The following WNK3 variants were observed in gnomAD, a reference collection of about 807,000 sequenced individuals.
WNK3 encodes serine/threonine-protein kinase WNK3.
A neutral mutation model predicts 116.7 loss-of-function variants in WNK3; 18 were observed. That is an observed-to-expected ratio of 0.15 (90% CI 0.11 to 0.23). WNK3 has a LOEUF of 0.23. Among genes scored for constraint, WNK3 ranks in the 10% least tolerant of loss-of-function variants. The pLI is 1.00. For missense variants in WNK3, 993 were observed against 1,323.8 expected (o/e 0.75, Z 3.88); for synonymous variants, 404 against 469.4 (o/e 0.86, Z 1.80).
chrX:54,341,324 G>C (rs1284121197), intron 1 of WNK3, among the ~76,000 whole-genome samples: 2 of 110,506 alleles, frequency 1.8e-5, no homozygotes, highest in Admixed American at 9.7e-5. Context: ...TTGAACCCAG[G>C]GGGCAGAGGT....
intron 21 of WNK3, among the ~76,000 whole-genome samples, chrX:54,230,936 C>T (rs1228282214): frequency 6.2e-5 from 7 of 112,369 alleles, no homozygotes; most frequent in Non-Finnish European, 1.3e-4. Flanking sequence ...TAGAACAGCC[C>T]AACTATAGGC....
exon 24 of WNK3, chrX:54,192,863 C>T (rs2067411869): frequency 9.0e-6 from 1 of 111,648 alleles, no homozygotes; most frequent in Non-Finnish European, 1.9e-5. Flanking sequence ...ATAACATACT[C>T]ATTTAACACA....
At chrX:54,278,585 G>A (rs1480874674) in intron 10 of WNK3, among the ~76,000 whole-genome samples, 3 of 110,474 alleles carry the variant, frequency 2.7e-5, no homozygotes, top group East Asian at 5.6e-4. Context: ...AAAGACCCAC[G>A]CAAATAAGCC....
intron 10 of WNK3, among the ~76,000 whole-genome samples, chrX:54,270,109 T>C (rs1377908251): frequency 1.8e-5 from 2 of 111,333 alleles, no homozygotes; most frequent in Non-Finnish European, 3.8e-5. Context: ...AAAGCTCCTT[T>C]TTTGTGTCTG....
exon 23 of WNK3, chrX:54,202,039 T>A (rs1557141752): frequency 8.3e-7 from 1 of 1,211,433 alleles, no homozygotes; most frequent in Non-Finnish European, 1.1e-6. Context: ...GTTGACTTTG[T>A]TTAAGTTGGT....
At chrX:54,238,089 C>T (rs189658133) in intron 19 of WNK3, among the ~76,000 whole-genome samples, 4 of 110,138 alleles carry the variant, frequency 3.6e-5, no homozygotes, top group Non-Finnish European at 5.7e-5. Flanking sequence ...AAAAATTAGC[C>T]GGGTGTGGTG....
intron 10 of WNK3, among the ~76,000 whole-genome samples, chrX:54,281,303 G>C (rs1410393473): frequency 1.8e-5 from 2 of 110,314 alleles, no homozygotes; most frequent in Non-Finnish European, 3.8e-5. Flanking sequence ...TGGACAACAT[G>C]GTGAAATCCC....
intron 21 of WNK3, among the ~76,000 whole-genome samples, chrX:54,229,786 C>T (rs1557148563): frequency 9.0e-6 from 1 of 111,047 alleles, no homozygotes; most frequent in South Asian, 3.8e-4. Flanking sequence ...AGGACGGTCT[C>T]TTCCACAAAT....
intron 2 of WNK3, among the ~76,000 whole-genome samples, chrX:54,329,887 T>C (rs1266600062): frequency 9.0e-6 from 1 of 111,580 alleles, no homozygotes; most frequent in East Asian, 2.8e-4. Flanking sequence ...TACATAACTT[T>C]CAATATTATA....
At chrX:54,225,086 TA>T (rs1242065019) in intron 22 of WNK3, among the ~76,000 whole-genome samples, 42 of 94,075 alleles carry the variant, frequency 4.5e-4, no homozygotes, top group Middle Eastern at 5.6e-3. Context: ...CTAAAACAAA[TA>T]AAAAAAAAAA....
At position 54,320,062 on chromosome X, in the gene WNK3, C is replaced by A. The variant is rs782456176; in HGVS notation, c.538-8771G>T. Among the ~76,000 whole-genome samples the A allele has an allele frequency of 8.0e-3, 892 of 111,550 alleles. 15 individuals carry two copies. Among genetic ancestry groups the A allele is most frequent in the Non-Finnish European group, 9.8e-3 (518 of 53,074 alleles). On this transcript the variant is annotated intron_variant, in intron 2 of 23. Coordinates refer to ENST00000354646, the Ensembl canonical transcript of WNK3. ...GTCAAATATCAGTGTTATAAATGTT[C>A]ATTTATATAGCTGATAAATAGGAGT... is the stretch of plus-strand genomic sequence containing the variant.
At chrX:54,257,532 C>T (rs915275741) in intron 11 of WNK3, among the ~76,000 whole-genome samples, 1 of 110,944 alleles carries the variant, frequency 9.0e-6, no homozygotes, top group African/African-American at 3.3e-5. Flanking sequence ...TGGTGGCTCA[C>T]GCCTGTAATC....
chrX:54,286,224 G>A (rs1411382038), intron 10 of WNK3, among the ~76,000 whole-genome samples: 1 of 109,967 alleles, frequency 9.1e-6, no homozygotes, highest in Non-Finnish European at 1.9e-5. Context: ...AAGGTGGGGG[G>A]GGAGAAGAAA....
chrX:54,280,867 C>T (rs782620065), intron 10 of WNK3, among the ~76,000 whole-genome samples: 12 of 110,582 alleles, frequency 1.1e-4, no homozygotes, highest in Non-Finnish European at 2.1e-4. Flanking sequence ...TCAGTCATAT[C>T]CCAGACCTCA....
chrX:54,346,095 GATATATATATAT>G (rs1209120909), intron 1 of WNK3, among the ~76,000 whole-genome samples: 1 of 74,146 alleles, frequency 1.3e-5, no homozygotes, highest in Non-Finnish European at 2.5e-5. Flanking sequence ...TTAACTCAAT[GATATATATATAT>G]ACACACACAC....
intron 10 of WNK3, among the ~76,000 whole-genome samples, chrX:54,288,280 T>C (rs1459979883): frequency 9.0e-6 from 1 of 111,644 alleles, no homozygotes; most frequent in Non-Finnish European, 1.9e-5. Context: ...AATGGATGTA[T>C]AATCTGGACC....
At chrX:54,209,861 T>A (rs2067594842) in intron 22 of WNK3, among the ~76,000 whole-genome samples, 1 of 111,206 alleles carries the variant, frequency 9.0e-6, no homozygotes, top group South Asian at 3.8e-4. Context: ...AAGCACTGCT[T>A]CCTAAAATGG....
intron 1 of WNK3, among the ~76,000 whole-genome samples, chrX:54,357,308 T>C (rs143107799): frequency 0.021 from 2,247 of 108,605 alleles, 67 homozygotes; most frequent in African/African-American, 0.072. Context: ...TGGTCTTCCA[T>C]CAGCTCCCAA....
chrX:54,325,134 C>G (rs2069083176), intron 2 of WNK3, among the ~76,000 whole-genome samples: 1 of 111,389 alleles, frequency 9.0e-6, no homozygotes, highest in Non-Finnish European at 1.9e-5. Context: ...CTCAACGTGT[C>G]AACCTGCTAT....
Sources: gnomAD v4.1 joint callset for allele counts (sites outside exome capture counted in the v4.1 genomes callset) on GRCh38, gnomAD v4.1.1 for gene constraint, MANE v1.5 for transcripts, NCBI Gene and HGNC (gene_info 2026-07-23, HGNC 2026-07-21) for gene names.